DNAJC3: variants seen among roughly 807,000 people sequenced by gnomAD.
DNAJC3 encodes the protein DnaJ heat shock protein family (Hsp40) member C3, also known as dnaJ homolog subfamily C member 3.
A neutral mutation model predicts 68.6 loss-of-function variants in DNAJC3; 38 were observed. The ratio of observed to expected loss-of-function variants is 0.55; its 90% CI spans 0.43 to 0.73. DNAJC3 has a LOEUF of 0.73. Ranked by LOEUF, DNAJC3 falls within the 30% of genes least tolerant of loss-of-function variation. DNAJC3 has a pLI of 0.00. For synonymous variants in DNAJC3, 203 were observed against 204.0 expected, an observed-to-expected ratio of 1.00 and a Z score of 0.04; for missense variants, 526 against 591.9, an observed-to-expected ratio of 0.89 and a Z score of 1.16.
At chr13:95,716,440 T>A (rs1881148847) in intron 2 of DNAJC3, among the ~76,000 whole-genome samples, 1 of 152,122 alleles carries the variant, frequency 6.6e-6, no homozygotes, top group South Asian at 2.1e-4. Flanking sequence ...TGCAGACGGC[T>A]TGTGTTAGTC....
At chr13:95,781,383 T>C (rs910288607) in intron 9 of DNAJC3, among the ~76,000 whole-genome samples, 3 of 152,154 alleles carry the variant, frequency 2.0e-5, no homozygotes, top group Non-Finnish European at 2.9e-5. Context: ...CCAAAGATAA[T>C]GGCTTCCAGA....
At chr13:95,729,263 T>C (rs1456158691) in intron 4 of DNAJC3, among the ~76,000 whole-genome samples, 1 of 67,678 alleles carries the variant, frequency 1.5e-5, no homozygotes, top group Non-Finnish European at 2.7e-5. Flanking sequence ...TCCGCCTCCC[T>C]CTCCCTCTCC....
At chr13:95,748,884 G>A (rs1882389306) in intron 4 of DNAJC3, among the ~76,000 whole-genome samples, 1 of 152,158 alleles carries the variant, frequency 6.6e-6, no homozygotes, top group Non-Finnish European at 1.5e-5. Context: ...TGTGAACTGA[G>A]AATAAAGGAG....
intron 4 of DNAJC3, among the ~76,000 whole-genome samples, chr13:95,735,939 G>T (rs1279696366): frequency 6.6e-6 from 1 of 152,156 alleles, no homozygotes; most frequent in African/African-American, 2.4e-5. Flanking sequence ...TTCTTCTAGG[G>T]TTTTTAAGGT....
intron 2 of DNAJC3, among the ~76,000 whole-genome samples, chr13:95,721,866 C>T (rs1881333251): frequency 6.6e-6 from 1 of 152,072 alleles, no homozygotes; most frequent in Non-Finnish European, 1.5e-5. Flanking sequence ...AACAACTGTT[C>T]ACAACCATAA....
chr13:95,777,542 A>C (rs1883325060), intron 9 of DNAJC3, among the ~76,000 whole-genome samples: 1 of 152,162 alleles, frequency 6.6e-6, no homozygotes, highest in South Asian at 2.1e-4. Flanking sequence ...TCAGCCTTTT[A>C]AAAAAGTATT....
intron 1 of DNAJC3, among the ~76,000 whole-genome samples, chr13:95,678,141 G>C (rs940031345): frequency 2.0e-5 from 3 of 152,216 alleles, no homozygotes; most frequent in Non-Finnish European, 4.4e-5. Context: ...GCGGGGAGGA[G>C]TAAGAATTAA....
chr13:95,777,042 C>T (rs973801458), intron 9 of DNAJC3, among the ~76,000 whole-genome samples: 50 of 152,210 alleles, frequency 3.3e-4, no homozygotes, highest in Admixed American at 3.3e-3. Context: ...GTTTCTTCAG[C>T]CATCACTTGG....
At chr13:95,750,091 A>C (rs1223500585) in intron 4 of DNAJC3, among the ~76,000 whole-genome samples, 1 of 152,094 alleles carries the variant, frequency 6.6e-6, no homozygotes. Flanking sequence ...TCAGGCAGGC[A>C]GCTGCCTACT....
intron 4 of DNAJC3, among the ~76,000 whole-genome samples, chr13:95,735,517 CT>C (rs1881879282): frequency 6.7e-6 from 1 of 150,276 alleles, no homozygotes; most frequent in South Asian, 2.1e-4. Flanking sequence ...GCCATTCTAA[CT>C]GGTGTGAGTT....
chr13:95,765,561 T>C (rs1882967594), intron 9 of DNAJC3, among the ~76,000 whole-genome samples: 1 of 151,040 alleles, frequency 6.6e-6, no homozygotes, highest in Non-Finnish European at 1.5e-5. Flanking sequence ...TTAATATAAT[T>C]GATCTGTTTT....
intron 10 of DNAJC3, among the ~76,000 whole-genome samples, chr13:95,786,613 GCTTA>G (rs935916933): frequency 7.2e-5 from 11 of 152,136 alleles, no homozygotes; most frequent in Non-Finnish European, 1.5e-4. Flanking sequence ...GAATCTTTGT[GCTTA>G]CTATTAAGTA....
chr13:95,690,900 G>T (rs1337680113), intron 1 of DNAJC3, among the ~76,000 whole-genome samples: 1 of 134,610 alleles, frequency 7.4e-6, no homozygotes, highest in South Asian at 2.4e-4. Flanking sequence ...CAGACGGGGC[G>T]GCTGGCCGGG....
In DNAJC3 at chr13:95,698,008, G is replaced by A. The variant is rs139505629; in HGVS notation, c.83-11219G>A. ...CTTTTTGGTGGTGTCACAACATTCA[G>A]ATTTTTCATGGTACCTGAATTCTTA... is the stretch of plus-strand genomic sequence containing the variant. On this transcript the variant is annotated intron_variant, in intron 1 of 11. Coordinates refer to ENST00000602402, the MANE Select transcript of DNAJC3 (RefSeq NM_006260.5). 2.8e-3 allele frequency among the ~76,000 whole-genome samples: 419 copies of A among 152,006 alleles called. 3 individuals carry two copies. The highest frequency in any genetic ancestry group is 9.7e-3 in the African/African-American group (402 of 41,428).
chr13:95,678,044 C>G (rs1879810432), intron 1 of DNAJC3, among the ~76,000 whole-genome samples: 1 of 152,152 alleles, frequency 6.6e-6, no homozygotes. Flanking sequence ...AAGATACGAA[C>G]GATTAAATTT....
At chr13:95,679,481 T>A (rs1879859041) in intron 1 of DNAJC3, among the ~76,000 whole-genome samples, 1 of 152,148 alleles carries the variant, frequency 6.6e-6, no homozygotes. Context: ...ACACTGGATT[T>A]GGTGATAGGG....
At chr13:95,756,874 A>G (rs1882679530) in intron 4 of DNAJC3, among the ~76,000 whole-genome samples, 1 of 151,992 alleles carries the variant, frequency 6.6e-6, no homozygotes, top group South Asian at 2.1e-4. Flanking sequence ...TGGGGTTGGG[A>G]GTGGGGATGA....
Position 95,704,851 on chromosome 13 carries a change from G to GTTTTTTT in DNAJC3, c.83-4364_83-4358dup, listed in dbSNP as rs1193979630. Among the ~76,000 whole-genome samples, 62 of 97,832 alleles carry GTTTTTTT rather than the reference G, an allele frequency of 6.3e-4. 8 individuals are homozygous for GTTTTTTT. Among genetic ancestry groups the GTTTTTTT allele is most frequent in the African/African-American group, 1.7e-3 (29 of 16,744 alleles). The allele number at this position is 97,832 out of a possible 152,430, so 64.2% of individuals were successfully genotyped here. A position where few individuals can be genotyped will look rare whatever the true frequency, so the allele number is the denominator to read the frequency against. On this transcript the variant is annotated intron_variant, in intron 1 of 11. Transcript: ENST00000602402. ...AGAAAGGACTAATCTGTGTGTGTGTGTTTTTTTTTTTTTTTTTTGAGACAG... is the reference window on the plus strand; with the variant it reads ...AGAAAGGACTAATCTGTGTGTGTGTGTTTTTTTTTTTTTTTTTTTTTTTTTGAGACAG...
At chr13:95,723,647 G>A (rs1175680768) in intron 3 of DNAJC3, among the ~76,000 whole-genome samples, 1 of 152,156 alleles carries the variant, frequency 6.6e-6, no homozygotes, top group Non-Finnish European at 1.5e-5. Context: ...TGGAGTGTGA[G>A]GCAAGATGTG....
Sources: allele counts gnomAD v4.1 joint callset (sites outside exome capture counted in the v4.1 genomes callset), GRCh38; gene constraint gnomAD v4.1.1; transcripts MANE v1.5; gene names NCBI Gene and HGNC (gene_info 2026-07-23, HGNC 2026-07-21).